The following PLPPR5 variants were observed in gnomAD, a reference collection of about 807,000 sequenced individuals.
PLPPR5 encodes phospholipid phosphatase-related protein type 5.
In PLPPR5, 16 loss-of-function variants were observed where a neutral mutation model predicts 33.9. That is an observed-to-expected ratio of 0.47 (90% CI 0.32 to 0.72). The LOEUF is 0.72. PLPPR5 is among the 30% of genes least tolerant of loss of function. The probability of loss-of-function intolerance (pLI) is 0.03; values close to 1 mark genes in which losing one functional copy is unlikely to be tolerated. For synonymous variants in PLPPR5, 163 were observed against 150.3 expected, an observed-to-expected ratio of 1.08 and a Z score of -0.62; for missense variants, 301 against 406.7, an observed-to-expected ratio of 0.74 and a Z score of 2.23.
intron 3 of PLPPR5, among the ~76,000 whole-genome samples, chr1:98,940,859 T>C (rs907692878): frequency 2.6e-5 from 4 of 151,844 alleles, no homozygotes; most frequent in Non-Finnish European, 5.9e-5. Flanking sequence ...GAGCTGAGAA[T>C]GACTCAGAGA....
At chr1:98,910,504 A>G (rs1387339373) in intron 5 of PLPPR5, among the ~76,000 whole-genome samples, 1 of 152,222 alleles carries the variant, frequency 6.6e-6, no homozygotes, top group Non-Finnish European at 1.5e-5. Flanking sequence ...TCATAAAGAC[A>G]TCACCAAACT....
intron 1 of PLPPR5, among the ~76,000 whole-genome samples, chr1:98,965,007 T>G (rs527903333): frequency 1.9e-4 from 28 of 148,922 alleles, no homozygotes; most frequent in Non-Finnish European, 3.0e-4. Context: ...GAGATGGGAT[T>G]TCATCATGTT....
At chr1:98,963,514 C>G (rs1331273017) in intron 1 of PLPPR5, among the ~76,000 whole-genome samples, 1 of 152,100 alleles carries the variant, frequency 6.6e-6, no homozygotes, top group Non-Finnish European at 1.5e-5. Context: ...AAGGAAACCT[C>G]CAGAGAGAGA....
At chr1:99,003,912 C>T (rs1652961746) in intron 1 of PLPPR5, among the ~76,000 whole-genome samples, 8 of 152,180 alleles carry the variant, frequency 5.3e-5, no homozygotes, top group Admixed American at 5.2e-4. Flanking sequence ...AGCTTAGTCC[C>T]ATTGGCACTT....
intron 3 of PLPPR5, among the ~76,000 whole-genome samples, chr1:98,942,076 A>AAGAGAG (rs138044131): frequency 0.014 from 2,022 of 148,266 alleles, 48 homozygotes; most frequent in African/African-American, 0.046. Flanking sequence ...GAGAGGAAGA[A>AAGAGAG]AGAGAGAGAG....
intron 1 of PLPPR5, among the ~76,000 whole-genome samples, chr1:98,974,474 A>C (rs1035798100): frequency 3.9e-5 from 6 of 152,116 alleles, no homozygotes; most frequent in Non-Finnish European, 8.8e-5. Flanking sequence ...GACTTAAATG[A>C]TGAAATCAAT....
chr1:98,964,009 G>C (rs370817187), intron 1 of PLPPR5, among the ~76,000 whole-genome samples: 1 of 151,986 alleles, frequency 6.6e-6, no homozygotes, highest in Non-Finnish European at 1.5e-5. Context: ...TGTTTTGGTC[G>C]TTTTCTCACC....
intron 4 of PLPPR5, among the ~76,000 whole-genome samples, chr1:98,917,820 T>C (rs1377822210): frequency 6.6e-6 from 1 of 152,250 alleles, no homozygotes; most frequent in African/African-American, 2.4e-5. Flanking sequence ...GATGTGTCTC[T>C]TCCAAGTTCC....
intron 1 of PLPPR5, among the ~76,000 whole-genome samples, chr1:98,973,686 T>C (rs1050804161): frequency 1.3e-5 from 2 of 151,800 alleles, no homozygotes; most frequent in African/African-American, 4.8e-5. Flanking sequence ...ACAATTATAG[T>C]GCAAAGAAGA....
intron 1 of PLPPR5, among the ~76,000 whole-genome samples, chr1:98,969,922 G>T (rs930474988): frequency 1.3e-5 from 2 of 151,968 alleles, no homozygotes; most frequent in African/African-American, 4.8e-5. Context: ...TCCTTTTCAA[G>T]AAAATAGGCT....
At chr1:98,912,487 T>C (rs541090090) in intron 5 of PLPPR5, among the ~76,000 whole-genome samples, 2 of 152,282 alleles carry the variant, frequency 1.3e-5, no homozygotes, top group South Asian at 4.1e-4. Context: ...CATTACCTTT[T>C]TCATTTGGTG....
chr1:98,952,436 T>A (rs191078), intron 3 of PLPPR5, among the ~76,000 whole-genome samples: 31,011 of 151,992 alleles, frequency 0.2, 3,378 homozygotes, highest in African/African-American at 0.27. Flanking sequence ...GCCCTTCTTT[T>A]TCCTTCTGCA....
At chr1:98,942,547 C>T (rs895286913) in intron 3 of PLPPR5, among the ~76,000 whole-genome samples, 1 of 152,180 alleles carries the variant, frequency 6.6e-6, no homozygotes, top group Non-Finnish European at 1.5e-5. Flanking sequence ...TCAAGAAATA[C>T]TGTGTCATTG....
intron 1 of PLPPR5, among the ~76,000 whole-genome samples, chr1:99,003,319 C>G (rs1358645904): frequency 6.6e-6 from 1 of 151,534 alleles, no homozygotes; most frequent in Non-Finnish European, 1.5e-5. Context: ...AACATCCAAA[C>G]TTAATGGATT....
chr1:98,968,235 A>G (rs1482035248), intron 1 of PLPPR5, among the ~76,000 whole-genome samples: 2 of 152,020 alleles, frequency 1.3e-5, no homozygotes, highest in African/African-American at 2.4e-5. Flanking sequence ...TAATTTTAAT[A>G]TATAAAGTCA....
At chr1:98,904,281 G>A (rs889613314) in intron 5 of PLPPR5, among the ~76,000 whole-genome samples, 3 of 10,678 alleles carry the variant, frequency 2.8e-4, no homozygotes, top group African/African-American at 1.1e-3. Context: ...TTTTTTTTTT[G>A]GCAAGAGAGA....
chr1:98,905,311 G>T (rs894128101), intron 5 of PLPPR5, among the ~76,000 whole-genome samples: 5 of 152,080 alleles, frequency 3.3e-5, no homozygotes, highest in African/African-American at 1.2e-4. Context: ...AATTGTATTT[G>T]CTCTCTAATG....
In PLPPR5 at chr1:98,890,803, T is replaced by C. The variant is rs1271085550; in HGVS notation, c.*2269A>G. 1.3e-5 allele frequency: 2 copies of C among 152,570 alleles called. No individual in the cohort carries two copies. The highest frequency in any genetic ancestry group is 6.6e-5 in the Admixed American group (1 of 15,256). 9.5% of individuals were successfully genotyped at this position (152,570 alleles called of 1,614,324 possible). A position where few individuals can be genotyped will look rare whatever the true frequency, so the allele number is the denominator to read the frequency against. ...GACAGCATCACTCACTGTACAATCT[T>C]GAGCCTATGATGTGTAAATAGTAGA... On this transcript the variant is annotated 3_prime_UTR_variant, in exon 6 of 6. Transcript: ENST00000263177.
intron 3 of PLPPR5, among the ~76,000 whole-genome samples, chr1:98,932,524 A>T (rs991694562): frequency 3.8e-4 from 58 of 152,242 alleles, no homozygotes; most frequent in Non-Finnish European, 1.6e-4. Context: ...CAAAATGTAC[A>T]GCAACTCTCA....
Sources: gnomAD v4.1 joint callset for allele counts (sites outside exome capture counted in the v4.1 genomes callset) on GRCh38, gnomAD v4.1.1 for gene constraint, MANE v1.5 for transcripts, NCBI Gene and HGNC (gene_info 2026-07-23, HGNC 2026-07-21) for gene names.